The following ESRRA variants were observed in gnomAD, a reference collection of about 807,000 sequenced individuals.
ESRRA encodes the protein steroid hormone receptor ERR1.
In ESRRA, 7 loss-of-function variants were observed where a neutral mutation model predicts 35.6. That is an observed-to-expected ratio of 0.20 (90% confidence interval 0.11 to 0.37). ESRRA has a LOEUF of 0.37. Among genes scored for constraint, ESRRA ranks in the 10% least tolerant of loss-of-function variants. The probability of loss-of-function intolerance (pLI) is 1.00; values close to 1 mark genes in which losing one functional copy is unlikely to be tolerated. For missense variants in ESRRA, 378 were observed against 561.7 expected (o/e 0.67, Z 3.31); for synonymous variants, 223 against 246.9 (o/e 0.90, Z 0.91).
chr11:64,315,657 C>T (rs761364275), intron 6 of ESRRA, 50 bp from the exon 7 acceptor site: 3 of 1,601,868 alleles, frequency 1.9e-6, no homozygotes, highest in Non-Finnish European at 1.7e-6. Flanking sequence ...ACGGGGAGTG[C>T]CCTTGCCAGA....
rs1384466219 is a variant in ESRRA, at chr11:64,313,597, C to G, written c.326-354C>G. Among the ~76,000 whole-genome samples the G allele has an allele frequency of 6.6e-6, 1 of 152,202 alleles. No homozygotes were observed. Among genetic ancestry groups the G allele is most frequent in the African/African-American group, 2.4e-5 (1 of 41,440 alleles). ...CTAGGAGCAGGAAGTGATCAACAGC[C>G]TTAGATCCTCCTTTTAGGCCAAGTA... On this transcript the variant is annotated intron_variant, in intron 2 of 6. Coordinates refer to ENST00000000442, the MANE Select transcript of ESRRA (RefSeq NM_004451.5). The surrounding 1 kb of genome is among the most constrained non-coding windows in gnomAD (Gnocchi z 4.0).
intron 2 of ESRRA, among the ~76,000 whole-genome samples, chr11:64,311,661 G>A (rs2035142474): frequency 6.6e-6 from 1 of 151,586 alleles, no homozygotes; most frequent in Admixed American, 6.6e-5. Context: ...TGATCCACCC[G>A]CCTCGGCCTC....
chr11:64,315,762 C>G lies in ESRRA; in HGVS notation c.1068C>G (p.His356Gln), dbSNP rs201613342. 6.2e-7 allele frequency: 1 copy of G among 1,613,882 alleles called. No individual in the cohort carries two copies. The highest frequency in any genetic ancestry group is 8.5e-7 in the Non-Finnish European group (1 of 1,179,774). ...TGGAGCAGCTGCGAGAAGCTCTGCA[C>G]GAGGCCCTGCTGGAGTATGAAGCCG... ...EAVEQLREAL[H>Q]EALLEYEAGR... is the part of the protein sequence containing the mutation. Residue 356 changes from histidine (H) to glutamine (Q), a missense_variant, in exon 7 of 7, where the codon CAC becomes CAG. Physicochemically the swap from His to Gln is conservative, Grantham distance 24. Transcript: ENST00000000442.
At position 64,305,615 on chromosome 11, in the gene ESRRA, G is replaced by A. The variant is rs2035014985; in HGVS notation, c.-134G>A. On this transcript the variant is annotated 5_prime_UTR_variant, in exon 1 of 7. Coordinates refer to ENST00000000442, the MANE Select transcript of ESRRA (RefSeq NM_004451.5). The surrounding 1 kb of genome is among the most constrained non-coding windows in gnomAD (Gnocchi z 5.8). The stretch of plus-strand genomic sequence containing the variant: ...GCGCCGCCGAGTGAGGGGACGCGGC[G>A]CGGTGGGGCGGCGCGGCCCGAGGAG... 6.6e-6 allele frequency: 1 copy of A among 150,728 alleles called. No homozygotes were observed. Among genetic ancestry groups the A allele is most frequent in the Non-Finnish European group, 1.5e-5 (1 of 67,620 alleles). The allele number at this position is 150,728 out of a possible 1,614,324, so 9.3% of individuals were successfully genotyped here.
intron 4 of ESRRA, 128 bp from the exon 5 acceptor site, chr11:64,314,613 C>T: frequency 2.9e-6 from 3 of 1,022,908 alleles, no homozygotes; most frequent in Non-Finnish European, 4.2e-6. Context: ...AGCGCTCTTC[C>T]CTGGAGGGAA....
At chr11:64,315,402 A>T in intron 6 of ESRRA, 132 bp downstream of exon 6, 1 of 1,165,060 alleles carries the variant, frequency 8.6e-7, no homozygotes, top group South Asian at 1.6e-5. Context: ...ACTTGCTAGA[A>T]GTCAAAAAGC....
chr11:64,305,638 G>T lies in ESRRA; in HGVS notation c.-111G>T, dbSNP rs1378560216. On this transcript the variant is annotated 5_prime_UTR_variant, in exon 1 of 7. Coordinates refer to ENST00000000442, the MANE Select transcript of ESRRA (RefSeq NM_004451.5). This position sits in a 1 kb window ranked among gnomAD's most constrained non-coding sequence, Gnocchi z 5.8. ...GCGCGGTGGGGCGGCGCGGCCCGAG[G>T]AGGCGGCGGAGGAGGGGCCGCCCGC... The T allele has an allele frequency of 1.3e-5, 2 of 150,218 alleles. No homozygotes were observed. The highest frequency in any genetic ancestry group is 4.9e-5 in the African/African-American group (2 of 41,128). The allele number at this position is 150,218 out of a possible 1,614,324, so 9.3% of individuals were successfully genotyped here.
At chr11:64,308,418 G>A (rs2035075692) in intron 2 of ESRRA, among the ~76,000 whole-genome samples, 1 of 150,086 alleles carries the variant, frequency 6.7e-6, no homozygotes. Context: ...TGCTACTTGA[G>A]AGGCTGAGGC....
At position 64,315,026 on chromosome 11, in the gene ESRRA, C is replaced by G; in HGVS notation, c.768C>G (p.Asp256Glu). The G allele has an allele frequency of 1.2e-6, 2 of 1,602,680 alleles. No individual in the cohort carries two copies. The highest frequency in any genetic ancestry group is 8.5e-7 in the Non-Finnish European group (1 of 1,174,990). ...GCTTCTCATCGCTGTCGCTGTCTGA[C>G]CAGATGTCAGTACTGCAGAGCGTGT... ...IPGFSSLSLS[D>E]QMSVLQSVWM... is the part of the protein sequence containing the mutation. The change falls in exon 6 of 7, where the codon GAC becomes GAG. Residue 256 changes from aspartate (D) to glutamate (E), a missense_variant. Asp to Glu is a conservative substitution (Grantham distance 45, BLOSUM62 2). Coordinates refer to ENST00000000442, the MANE Select transcript of ESRRA (RefSeq NM_004451.5).
chr11:64,310,130 A>T (rs2035110939), intron 2 of ESRRA, among the ~76,000 whole-genome samples: 1 of 152,090 alleles, frequency 6.6e-6, no homozygotes, highest in Non-Finnish European at 1.5e-5. Context: ...TTGGGTCAGT[A>T]TAGGTCCAGA....
intron 2 of ESRRA, among the ~76,000 whole-genome samples, chr11:64,312,243 G>A (rs1377841696): frequency 2.0e-5 from 3 of 151,840 alleles, no homozygotes; most frequent in Non-Finnish European, 2.9e-5. Context: ...GGGTTCAAGC[G>A]ATTCTCCTGC....
At chr11:64,312,299 C>T (rs1353292881) in intron 2 of ESRRA, among the ~76,000 whole-genome samples, 1 of 152,058 alleles carries the variant, frequency 6.6e-6, no homozygotes, top group African/African-American at 2.4e-5. Context: ...GCCACCACAC[C>T]CAGCTAATTT....
At position 64,316,132 on chromosome 11, in the gene ESRRA, C is replaced by A. The variant is rs2035255936; in HGVS notation, c.*166C>A. On this transcript the variant is annotated 3_prime_UTR_variant, in exon 7 of 7. Coordinates refer to ENST00000000442, the MANE Select transcript of ESRRA (RefSeq NM_004451.5). The stretch of plus-strand genomic sequence containing the variant: ...AGGCCCCACGCCCTCTCCTCCCCCT[C>A]CTAGGGGGTGTCAGAAGCTGGGAAC... 5.2e-6 allele frequency: 4 copies of A among 773,276 alleles called. No homozygotes were observed. The highest frequency in any genetic ancestry group is 8.2e-6 in the Non-Finnish European group (4 of 489,870). 47.9% of individuals were successfully genotyped at this position (773,276 alleles called of 1,614,324 possible). A position where few individuals can be genotyped will look rare whatever the true frequency, so the allele number is the denominator to read the frequency against.
At position 64,314,906 on chromosome 11, in the gene ESRRA, T is replaced by C. The variant is rs754537998; in HGVS notation, c.737T>C (p.Ile246Thr). The change falls in exon 5 of 7, where the codon ATC (isoleucine) becomes ACC (threonine). Residue 246 changes from isoleucine (I) to threonine (T), a missense_variant. Physicochemically the swap from Ile to Thr is moderately conservative, Grantham distance 89 (BLOSUM62 -1). Transcript: ENST00000000442. ...GTCACCATCAGCTGGGCCAAGAGCA[T>C]CCCAGGTAAAGGGCCCAGGTGACCC... is the stretch of plus-strand genomic sequence containing the variant. ...IVVTISWAKS[I>T]PGFSSLSLSD... 6.2e-7 allele frequency: 1 copy of C among 1,612,176 alleles called. No individual in the cohort carries two copies. Among genetic ancestry groups the C allele is most frequent in the South Asian group, 1.1e-5 (1 of 91,054 alleles).
At chr11:64,308,409 G>T (rs887158192) in intron 2 of ESRRA, among the ~76,000 whole-genome samples, 41 of 150,772 alleles carry the variant, frequency 2.7e-4, no homozygotes, top group African/African-American at 9.8e-4. Flanking sequence ...TCAGCTACTT[G>T]CTACTTGAGA....
At chr11:64,310,329 G>A (rs2035115845) in intron 2 of ESRRA, among the ~76,000 whole-genome samples, 1 of 150,930 alleles carries the variant, frequency 6.6e-6, no homozygotes, top group Non-Finnish European at 1.5e-5. Context: ...CCGCCTCCCG[G>A]GTTCACACCA....
chr11:64,309,290 G>T (rs182295264), intron 2 of ESRRA, among the ~76,000 whole-genome samples: 4 of 150,780 alleles, frequency 2.7e-5, no homozygotes, highest in Non-Finnish European at 5.9e-5. Context: ...AAAATTAGCC[G>T]GGCGTGGTGG....
rs1316524771 is a variant in ESRRA, at chr11:64,313,405, T to G, written c.326-546T>G. 6.6e-6 allele frequency among the ~76,000 whole-genome samples: 1 copy of G among 152,038 alleles called. No homozygotes were observed. Among genetic ancestry groups the G allele is most frequent in the Admixed American group, 6.5e-5 (1 of 15,270 alleles). On this transcript the variant is annotated intron_variant, in intron 2 of 6. Transcript: ENST00000000442. This position sits in a 1 kb window ranked among gnomAD's most constrained non-coding sequence, Gnocchi z 4.0. Reference sequence around the variant, plus strand: ...GGTAGAAACGTGAGAGCCCCACGGCTGGGGAAGATTGCCATGGGATTGGAG... The same window carrying G: ...GGTAGAAACGTGAGAGCCCCACGGCGGGGGAAGATTGCCATGGGATTGGAG...
rs1488958475 is a variant in ESRRA, at chr11:64,305,794, T to C, written c.-13+58T>C. ...GTGGGCGGGCGGGGCGCGGGGGCCA[T>C]GTGCGAGCGCGGCAGGGAGGCGGGC... On this transcript the variant is annotated intron_variant, in intron 1 of 6. Transcript: ENST00000000442. This position sits in a 1 kb window ranked among gnomAD's most constrained non-coding sequence, Gnocchi z 5.8. 1.3e-5 allele frequency: 2 copies of C among 150,374 alleles called. No individual in the cohort carries two copies. Among genetic ancestry groups the C allele is most frequent in the Admixed American group, 6.6e-5 (1 of 15,154 alleles). The allele number at this position is 150,374 out of a possible 1,614,324, so 9.3% of individuals were successfully genotyped here.
Sources: gnomAD v4.1 joint callset for allele counts (sites outside exome capture counted in the v4.1 genomes callset) on GRCh38, gnomAD v4.1.1 for gene constraint, Gnocchi (gnomAD v3.1) non-coding constraint, MANE v1.5 for transcripts, NCBI Gene and HGNC (gene_info 2026-07-23, HGNC 2026-07-21) for gene names.